Variants in SRRM4 observed in about 807,000 individuals in gnomAD.
SRRM4 encodes serine/arginine repetitive matrix 4, also known as serine/arginine repetitive matrix protein 4.
In SRRM4, 33 loss-of-function variants were observed where a neutral mutation model predicts 68.9. That is an observed-to-expected ratio of 0.48 (90% CI 0.36 to 0.64). The LOEUF is 0.64. Among genes scored for constraint, SRRM4 ranks in the 30% least tolerant of loss-of-function variants. SRRM4 has a pLI of 0.00. For missense variants in SRRM4, 817 were observed against 827.1 expected (o/e 0.99, Z 0.15); for synonymous variants, 318 against 318.8 (o/e 1.00, Z 0.03).
chr12:119,031,765 C>T (rs1953593325), intron 1 of SRRM4, among the ~76,000 whole-genome samples: 1 of 151,766 alleles, frequency 6.6e-6, no homozygotes, highest in Admixed American at 6.6e-5. Context: ...TTTTCCTTTG[C>T]AAATTGCTAA....
At chr12:119,096,878 G>T (rs1191481730) in intron 1 of SRRM4, among the ~76,000 whole-genome samples, 7 of 152,338 alleles carry the variant, frequency 4.6e-5, no homozygotes, top group Admixed American at 2.6e-4. Context: ...CAGCTAGGGA[G>T]CCAGGCCTCT....
At chr12:119,138,594 T>C (rs1248312915) in intron 8 of SRRM4, among the ~76,000 whole-genome samples, 1 of 152,182 alleles carries the variant, frequency 6.6e-6, no homozygotes, top group Non-Finnish European at 1.5e-5. Context: ...TCTACACTGG[T>C]TCCCAGGGTG....
intron 1 of SRRM4, among the ~76,000 whole-genome samples, chr12:119,002,449 T>C (rs1397255537): frequency 6.6e-6 from 1 of 152,156 alleles, no homozygotes; most frequent in East Asian, 1.9e-4. Context: ...GGGTATGGGA[T>C]GGATTCATTC....
intron 2 of SRRM4, among the ~76,000 whole-genome samples, chr12:119,113,704 G>A (rs994468444): frequency 6.6e-6 from 1 of 152,104 alleles, no homozygotes; most frequent in African/African-American, 2.4e-5. Flanking sequence ...AAGATAACTT[G>A]ACTTCATTTA....
At position 118,982,739 on chromosome 12, in the gene SRRM4, T is replaced by A. The variant is rs115982322; in HGVS notation, c.131+726T>A. 3.5e-3 allele frequency among the ~76,000 whole-genome samples: 521 copies of A among 147,462 alleles called. 6 individuals are homozygous for A. Among genetic ancestry groups the A allele is most frequent in the African/African-American group, 0.012 (492 of 40,180 alleles). On this transcript the variant is annotated intron_variant, in intron 1 of 12. Transcript: ENST00000267260. ...CTTTGAACTCAGGGATGAGAACCGA[T>A]CCTTGGATGGTGGTAGACATGGTGC...
intron 1 of SRRM4, among the ~76,000 whole-genome samples, chr12:119,056,162 A>G (rs1451566229): frequency 6.6e-6 from 1 of 152,200 alleles, no homozygotes; most frequent in Non-Finnish European, 1.5e-5. Context: ...TCCTGGCTCC[A>G]AAACAGCCTG....
At chr12:119,140,040 C>T (rs1195795780) in intron 8 of SRRM4, among the ~76,000 whole-genome samples, 3 of 152,104 alleles carry the variant, frequency 2.0e-5, no homozygotes, top group Non-Finnish European at 4.4e-5. Context: ...AGAAACATTC[C>T]AATTACACTC....
At chr12:119,027,232 G>A (rs1038754684) in intron 1 of SRRM4, among the ~76,000 whole-genome samples, 38 of 152,150 alleles carry the variant, frequency 2.5e-4, no homozygotes, top group African/African-American at 8.9e-4. Context: ...AGACTCCTGG[G>A]AATTGTGATC....
chr12:119,014,026 G>A (rs1037625530), intron 1 of SRRM4, among the ~76,000 whole-genome samples: 6 of 152,026 alleles, frequency 3.9e-5, no homozygotes, highest in Non-Finnish European at 8.8e-5. Flanking sequence ...TTGATAAGTT[G>A]GAGAATTATC....
chr12:119,015,616 C>T (rs1482880466), intron 1 of SRRM4, among the ~76,000 whole-genome samples: 1 of 151,972 alleles, frequency 6.6e-6, no homozygotes, highest in Non-Finnish European at 1.5e-5. Flanking sequence ...TAGAACTACC[C>T]TGTTATTTTT....
chr12:119,065,323 C>A (rs1181940919), intron 1 of SRRM4, among the ~76,000 whole-genome samples: 1 of 152,166 alleles, frequency 6.6e-6, no homozygotes, highest in South Asian at 2.1e-4. Context: ...GAGTCAGATC[C>A]CCTGACTGAA....
At chr12:119,058,441 AG>A in intron 1 of SRRM4, among the ~76,000 whole-genome samples, 1 of 152,168 alleles carries the variant, frequency 6.6e-6, no homozygotes, top group East Asian at 1.9e-4. Context: ...TTTTACAGAA[AG>A]GTAGACTGAG....
intron 3 of SRRM4, among the ~76,000 whole-genome samples, chr12:119,114,954 G>A (rs994507611): frequency 3.3e-5 from 5 of 151,758 alleles, no homozygotes; most frequent in Non-Finnish European, 7.4e-5. Context: ...GTGAACCACC[G>A]CGCCTGGCCG....
chr12:119,030,118 G>A (rs1242552230), intron 1 of SRRM4, among the ~76,000 whole-genome samples: 2 of 152,156 alleles, frequency 1.3e-5, no homozygotes, highest in Admixed American at 6.5e-5. Flanking sequence ...AAATGCGAGA[G>A]AAAAATGCAT....
At chr12:119,057,962 G>T (rs541284394) in intron 1 of SRRM4, among the ~76,000 whole-genome samples, 1 of 152,148 alleles carries the variant, frequency 6.6e-6, no homozygotes, top group South Asian at 2.1e-4. Context: ...CCCAAGGGAT[G>T]CCAGGAAGGA....
intron 1 of SRRM4, among the ~76,000 whole-genome samples, chr12:119,017,565 G>T (rs1166283355): frequency 2.0e-5 from 3 of 152,220 alleles, no homozygotes; most frequent in African/African-American, 4.8e-5. Context: ...GGGGTGGCAG[G>T]AGTGGGAGCA....
intron 8 of SRRM4, among the ~76,000 whole-genome samples, chr12:119,138,542 G>A (rs1427701979): frequency 1.3e-5 from 2 of 152,154 alleles, no homozygotes; most frequent in Non-Finnish European, 2.9e-5. Context: ...AAATATCCCA[G>A]CTCCCTCACT....
intron 1 of SRRM4, among the ~76,000 whole-genome samples, chr12:119,052,277 C>A (rs1397833714): frequency 6.6e-6 from 1 of 152,070 alleles, no homozygotes. Context: ...CTGGCTCATA[C>A]GAAAGAGAGG....
At chr12:119,140,191 A>T (rs985674897) in intron 8 of SRRM4, among the ~76,000 whole-genome samples, 68 of 152,268 alleles carry the variant, frequency 4.5e-4, no homozygotes, top group African/African-American at 1.6e-3. Context: ...CCTGGCCAAC[A>T]TGGCAAAACC....
Sources: gnomAD v4.1 joint callset for allele counts (sites outside exome capture counted in the v4.1 genomes callset) on GRCh38, gnomAD v4.1.1 for gene constraint, MANE v1.5 for transcripts, NCBI Gene and HGNC (gene_info 2026-07-23, HGNC 2026-07-21) for gene names.